ADAM22: variants seen among roughly 807,000 people sequenced by gnomAD.
The protein encoded by ADAM22 is disintegrin and metalloproteinase domain-containing protein 22.
Under a neutral mutation model 144.6 loss-of-function variants are expected in ADAM22, and 65 were observed. That is an observed-to-expected ratio of 0.45 (90% CI 0.37 to 0.55). The LOEUF is 0.55. Among genes scored for constraint, ADAM22 ranks in the 20% least tolerant of loss-of-function variants. ADAM22 has a pLI of 0.00. For synonymous variants in ADAM22, 391 were observed against 412.6 expected (o/e 0.95, Z 0.63); for missense variants, 974 against 1,184.9 (o/e 0.82, Z 2.61).
chr7:87,978,155 A>T (rs574297419), intron 2 of ADAM22, among the ~76,000 whole-genome samples, 181 bp from the exon 3 acceptor site: 1 of 152,216 alleles, frequency 6.6e-6, no homozygotes, highest in African/African-American at 2.4e-5. Flanking sequence ...TTTACTTCAC[A>T]TTGGTGAATG....
At chr7:88,115,211 G>A (rs1325369223) in intron 6 of ADAM22, among the ~76,000 whole-genome samples, 11 of 152,226 alleles carry the variant, frequency 7.2e-5, no homozygotes, top group South Asian at 2.1e-4. Context: ...ATGAGACTCC[G>A]TCTCCAAAAC....
chr7:88,144,150 T>C (rs1835625419), intron 15 of ADAM22, among the ~76,000 whole-genome samples: 1 of 152,212 alleles, frequency 6.6e-6, no homozygotes, highest in Non-Finnish European at 1.5e-5. Flanking sequence ...GTTGTTGTTG[T>C]ATATATTCTT....
At chr7:87,962,773 A>C (rs1170138112) in intron 2 of ADAM22, among the ~76,000 whole-genome samples, 2 of 152,134 alleles carry the variant, frequency 1.3e-5, no homozygotes, top group African/African-American at 4.8e-5. Flanking sequence ...ACATGTATTC[A>C]GTCTTCACAG....
At chr7:88,158,901 C>G (rs1840757649) in intron 22 of ADAM22, among the ~76,000 whole-genome samples, 1 of 151,742 alleles carries the variant, frequency 6.6e-6, no homozygotes, top group Non-Finnish European at 1.5e-5. Flanking sequence ...CAAGAAATAA[C>G]CAAAATCAGA....
chr7:88,092,316 A>T (rs1226965000), intron 4 of ADAM22, among the ~76,000 whole-genome samples: 1 of 152,140 alleles, frequency 6.6e-6, no homozygotes, highest in Non-Finnish European at 1.5e-5. Flanking sequence ...TCCACAACAT[A>T]CACAGCCCGC....
At chr7:88,135,017 G>A (rs1012326001) in intron 13 of ADAM22, among the ~76,000 whole-genome samples, 3 of 151,298 alleles carry the variant, frequency 2.0e-5, no homozygotes, top group Non-Finnish European at 2.9e-5. Context: ...TTATAATCTG[G>A]AATCCCAGCA....
At chr7:88,153,419 A>G (rs1290517654) in intron 21 of ADAM22, 93 bp downstream of exon 21, 2 of 1,008,786 alleles carry the variant, frequency 2.0e-6, no homozygotes, top group Admixed American at 4.4e-5. Context: ...TCTGCATCAC[A>G]CAAAGTGTGC....
chr7:88,137,078 A>G (rs1379522982), intron 14 of ADAM22, among the ~76,000 whole-genome samples: 1 of 152,162 alleles, frequency 6.6e-6, no homozygotes, highest in East Asian at 1.9e-4. Flanking sequence ...ATCATTCTCA[A>G]GTCATTCTTT....
Position 88,142,601 on chromosome 7 carries a change from G to A in ADAM22, c.1221-425G>A, listed in dbSNP as rs1480195575. On this transcript the variant is annotated intron_variant, in intron 14 of 31. Transcript: ENST00000413139. ...CACCTGTAATCCCAGCACTTTGGGA[G>A]GCCGAGGCGGGCGGATCACAAAGTC... 2.6e-5 allele frequency among the ~76,000 whole-genome samples: 4 copies of A among 152,166 alleles called. No individual in the cohort carries two copies. In the East Asian group the frequency reaches 7.7e-4, roughly 29 times the overall value.
At chr7:88,195,749 C>T (rs1347863182) in intron 31 of ADAM22, among the ~76,000 whole-genome samples, 2 of 151,880 alleles carry the variant, frequency 1.3e-5, no homozygotes, top group Non-Finnish European at 2.9e-5. Context: ...GATCTCCTGA[C>T]CTCGTGATCT....
At chr7:87,979,255 T>C (rs1273036186) in intron 3 of ADAM22, among the ~76,000 whole-genome samples, 1 of 152,174 alleles carries the variant, frequency 6.6e-6, no homozygotes, top group Non-Finnish European at 1.5e-5. Context: ...ACCAGCTAGA[T>C]GGAAGTTAAT....
intron 3 of ADAM22, among the ~76,000 whole-genome samples, chr7:87,996,702 G>A (rs1197670795): frequency 6.6e-6 from 1 of 152,212 alleles, no homozygotes; most frequent in East Asian, 1.9e-4. Flanking sequence ...TATTTGTTGT[G>A]CCAATTATAG....
At chr7:88,155,525 G>GAAAAAA (rs797005307) in intron 21 of ADAM22, among the ~76,000 whole-genome samples, 3 of 68,508 alleles carry the variant, frequency 4.4e-5, no homozygotes, top group Admixed American at 1.5e-4. Flanking sequence ...CTGACTCTAA[G>GAAAAAA]AAAAAAAAAA....
chr7:87,957,563 C>T (rs200432401), intron 2 of ADAM22, among the ~76,000 whole-genome samples: 6 of 152,010 alleles, frequency 3.9e-5, no homozygotes, highest in South Asian at 2.1e-4. Context: ...GCATCCTTTC[C>T]GTCTTTGTTT....
chr7:88,152,970 C>T (rs898927715), intron 20 of ADAM22, among the ~76,000 whole-genome samples: 7 of 152,116 alleles, frequency 4.6e-5, no homozygotes, highest in African/African-American at 2.4e-5. Flanking sequence ...TTGTAGCCTA[C>T]AGCCTGAGTC....
At chr7:88,154,448 C>A (rs1416175400) in intron 21 of ADAM22, among the ~76,000 whole-genome samples, 1 of 152,118 alleles carries the variant, frequency 6.6e-6, no homozygotes, top group Non-Finnish European at 1.5e-5. Flanking sequence ...CAAAAATATA[C>A]CTATTCTTCA....
chr7:88,082,191 C>T (rs1394005394), intron 4 of ADAM22, among the ~76,000 whole-genome samples: 1 of 152,088 alleles, frequency 6.6e-6, no homozygotes, highest in African/African-American at 2.4e-5. Flanking sequence ...CGCATATCTA[C>T]AACTATCTGA....
intron 22 of ADAM22, among the ~76,000 whole-genome samples, chr7:88,160,924 T>C (rs1841439829): frequency 6.6e-6 from 1 of 151,850 alleles, no homozygotes; most frequent in African/African-American, 2.4e-5. Context: ...TGAGAACACT[T>C]GGACACAGGA....
chr7:88,115,732 G>T (rs1827604049), intron 6 of ADAM22, among the ~76,000 whole-genome samples: 1 of 152,102 alleles, frequency 6.6e-6, no homozygotes, highest in African/African-American at 2.4e-5. Context: ...AATCCACAGA[G>T]CTGTGATTTT....
Sources: allele counts gnomAD v4.1 joint callset (sites outside exome capture counted in the v4.1 genomes callset), GRCh38; gene constraint gnomAD v4.1.1; transcripts MANE v1.5; gene names NCBI Gene and HGNC (gene_info 2026-07-23, HGNC 2026-07-21).